Variants in KIAA1614 observed in about 807,000 individuals in gnomAD.
The protein encoded by KIAA1614 is KIAA1614.
In KIAA1614, 76 loss-of-function variants were observed where a neutral mutation model predicts 88.7. The observed-to-expected ratio is 0.86, with a 90% CI of 0.71 to 1.04. The LOEUF is 1.04. Among genes scored for constraint, KIAA1614 ranks in the 50% least tolerant of loss-of-function variants. The pLI is 0.00. For synonymous variants in KIAA1614, 714 were observed against 675.5 expected (o/e 1.06, Z -0.88); for missense variants, 1,553 against 1,582.5 (o/e 0.98, Z 0.32).
At chr1:180,928,379 A>G in intron 3 of KIAA1614, 51 bp from the exon 4 acceptor site, 1 of 1,469,864 alleles carries the variant, frequency 6.8e-7, no homozygotes, top group Non-Finnish European at 9.1e-7. Context: ...AATCTGCGTT[A>G]TTTTCCTCTA....
chr1:180,950,400 G>A lies in KIAA1614; in HGVS notation c.*4812G>A. The A allele has an allele frequency of 8.1e-7, 1 of 1,234,044 alleles. No homozygotes were observed. Among genetic ancestry groups the A allele is most frequent in the Non-Finnish European group, 1.0e-6 (1 of 960,202 alleles). The allele number at this position is 1,234,044 out of a possible 1,614,324, so 76.4% of individuals were successfully genotyped here. A position where few individuals can be genotyped will look rare whatever the true frequency, so the allele number is the denominator to read the frequency against. ...GCCAAGCTGTACTCAGGGCTGCTGG[G>A]GGTGGGCGATGAGATCCTCGAGGTG... On this transcript the variant is annotated 3_prime_UTR_variant, in exon 9 of 9. Coordinates refer to ENST00000367588, the MANE Select transcript of KIAA1614 (RefSeq NM_020950.2).
chr1:180,935,474 G>C lies in KIAA1614; in HGVS notation c.1565G>C (p.Arg522Thr). Residue 522 changes from arginine (R) to threonine (T), a missense_variant, in exon 5 of 9, where the codon AGG (arginine) becomes ACG (threonine). Arg to Thr is a moderately conservative substitution (Grantham distance 71). Transcript: ENST00000367588. This position sits in a 1 kb window ranked among gnomAD's most constrained non-coding sequence, Gnocchi z 6.1. ...FHRLVGSLDRRGHPAPPAPGS... is the reference protein window; with the variant it reads ...FHRLVGSLDRTGHPAPPAPGS... The stretch of plus-strand genomic sequence containing the variant: ...AGGCTTGTGGGCAGCCTGGACCGCA[G>C]GGGACACCCGGCACCGCCGGCACCG... 6.8e-7 allele frequency: 1 copy of C among 1,478,494 alleles called. No individual in the cohort carries two copies. Among genetic ancestry groups the C allele is most frequent in the Non-Finnish European group, 8.9e-7 (1 of 1,120,700 alleles). The allele number at this position is 1,478,494 out of a possible 1,614,324, so 91.6% of individuals were successfully genotyped here. A position where few individuals can be genotyped will look rare whatever the true frequency, so the allele number is the denominator to read the frequency against.
At chr1:180,915,894 G>C (rs1463547218) in intron 1 of KIAA1614, among the ~76,000 whole-genome samples, 1 of 152,198 alleles carries the variant, frequency 6.6e-6, no homozygotes, top group Non-Finnish European at 1.5e-5. Flanking sequence ...AATGCCTCAT[G>C]ATGTGAAGTG....
chr1:180,941,042 C>T lies in KIAA1614; in HGVS notation c.2919-3C>T. ...CCCCCTCACCTCCACCCTTGTGTTT[C>T]AGAGCATCAGCAGGAGCTGGCACAG... On this transcript the variant is annotated splice_region_variant and splice_polypyrimidine_tract_variant and intron_variant, in intron 6 of 8. Transcript: ENST00000367588. The T allele has an allele frequency of 1.3e-6, 1 of 789,626 alleles. No homozygotes were observed. Among genetic ancestry groups the T allele is most frequent in the Non-Finnish European group, 1.8e-6 (1 of 568,822 alleles). The allele number at this position is 789,626 out of a possible 1,614,324, so 48.9% of individuals were successfully genotyped here.
intron 3 of KIAA1614, 118 bp downstream of exon 3, chr1:180,918,032 C>T (rs1375746249): frequency 9.8e-6 from 8 of 812,248 alleles, no homozygotes; most frequent in Non-Finnish European, 1.6e-5. Context: ...ACTCCTGCAC[C>T]AGCAGACCAG....
intron 3 of KIAA1614, among the ~76,000 whole-genome samples, chr1:180,922,946 G>C (rs1158575813): frequency 6.6e-6 from 1 of 152,214 alleles, no homozygotes; most frequent in Non-Finnish European, 1.5e-5. Context: ...ATAAATCGGG[G>C]TTCCCACTGT....
intron 4 of KIAA1614, among the ~76,000 whole-genome samples, chr1:180,930,769 A>C (rs1425474533): frequency 6.6e-6 from 1 of 152,256 alleles, no homozygotes; most frequent in African/African-American, 2.4e-5. Context: ...CCAGAAAAGA[A>C]TTACTGTGAC....
intron 4 of KIAA1614, among the ~76,000 whole-genome samples, chr1:180,932,386 A>T (rs1017795278): frequency 2.6e-5 from 4 of 152,054 alleles, no homozygotes; most frequent in East Asian, 1.9e-4. Flanking sequence ...AAAAAAAATT[A>T]AAAAATATAT....
At chr1:180,943,148 T>C (rs1256003970) in intron 7 of KIAA1614, among the ~76,000 whole-genome samples, 1 of 152,098 alleles carries the variant, frequency 6.6e-6, no homozygotes, top group Non-Finnish European at 1.5e-5. Context: ...TGCCTCAGCC[T>C]CCTGAGTAGT....
Position 180,941,083 on chromosome 1 carries a change from C to T in KIAA1614, c.2957C>T (p.Ser986Leu), listed in dbSNP as rs765647926. Residue 986 changes from serine (S) to leucine (L), a missense_variant, in exon 7 of 9, where the codon TCG becomes TTG. Ser to Leu is a moderately radical substitution (Grantham distance 145). Coordinates refer to ENST00000367588, the MANE Select transcript of KIAA1614 (RefSeq NM_020950.2). ...AGAGTGPGSP[S>L]AAPLDQNKKR... ...GCTGGCACAGGACCCGGCTCCCCCT[C>T]GGCTGCCCCTTTGGACCAGAACAAG... 35 of 1,611,754 alleles carry T rather than the reference C, an allele frequency of 2.2e-5. No individual in the cohort carries two copies. In the Admixed American group the frequency reaches 3.2e-4, roughly 15 times the overall value.
Position 180,945,831 on chromosome 1 carries a change from G to A in KIAA1614, c.*243G>A, listed in dbSNP as rs1654578981. ...TTGAAATTAGAAGCTTAGGCCGGGC[G>A]CAGTGGCTCATGCCTGTAATCCCAG... On this transcript the variant is annotated 3_prime_UTR_variant, in exon 9 of 9. Coordinates refer to ENST00000367588, the MANE Select transcript of KIAA1614 (RefSeq NM_020950.2). 4.7e-6 allele frequency: 6 copies of A among 1,282,608 alleles called. No individual in the cohort carries two copies. In the South Asian group the frequency reaches 6.8e-5, roughly 14 times the overall value. 79.5% of individuals were successfully genotyped at this position (1,282,608 alleles called of 1,614,324 possible).
chr1:180,945,440 G>A lies in KIAA1614; in HGVS notation c.3425G>A (p.Gly1142Asp), dbSNP rs1450273299. The change falls in exon 9 of 9, where the codon GGC (glycine) becomes GAC (aspartate). Residue 1142 changes from glycine to aspartate, a missense_variant. Transcript: ENST00000367588. Reference protein sequence around the residue: ...SQLQLQRSPGGTFGFCVASGN... With the variant: ...SQLQLQRSPGDTFGFCVASGN... ...CTGCAGCTGCAGCGCTCCCCAGGGG[G>A]CACTTTCGGCTTCTGCGTGGCCTCT... is the stretch of plus-strand genomic sequence containing the variant. 1 of 1,611,882 alleles carries A rather than the reference G, an allele frequency of 6.2e-7. No individual in the cohort carries two copies. The highest frequency in any genetic ancestry group is 1.7e-5 in the Admixed American group (1 of 59,564).
chr1:180,945,345 C>CCT lies in KIAA1614; in HGVS notation c.3330_3331insCT (p.Val1111LeufsTer93), dbSNP rs760737396. The stretch of plus-strand genomic sequence containing the variant: ...CACGGCGTGCCCTCAGTGTGGAGGA[C>CCT]GTGGGTGCTCCCAGCCTGGCTCGCA... On this transcript the variant is annotated frameshift_variant, in exon 9 of 9. Transcript: ENST00000367588. LOFTEE classifies it low-confidence loss of function (END_TRUNC). 7 of 1,595,918 alleles carry CCT rather than the reference C, an allele frequency of 4.4e-6. No individual in the cohort carries two copies. In the South Asian group the frequency reaches 5.7e-5, roughly 13 times the overall value.
rs756760078 is a variant in KIAA1614, at chr1:180,916,247, C to G, written c.144C>G (p.His48Gln). 63 of 1,613,074 alleles carry G rather than the reference C, an allele frequency of 3.9e-5. No individual in the cohort carries two copies. The highest frequency in any genetic ancestry group is 5.3e-5 in the Non-Finnish European group (62 of 1,179,822). Residue 48 changes from histidine (H) to glutamine (Q), a missense_variant, in exon 2 of 9, where the codon CAC becomes CAG. Transcript: ENST00000367588. Reference sequence around the variant, plus strand: ...CTGAGCCACAGCTGGATAACGGACACCCCCCAAGACCCTGGCCTTGCCCTC... The same window carrying G: ...CTGAGCCACAGCTGGATAACGGACAGCCCCCAAGACCCTGGCCTTGCCCTC... ...SGPEPQLDNGHPPRPWPCPQE... is the reference protein window; with the variant it reads ...SGPEPQLDNGQPPRPWPCPQE...
At chr1:180,938,778 A>G (rs1654389708) in intron 6 of KIAA1614, 67 bp downstream of exon 6, 3 of 1,521,408 alleles carry the variant, frequency 2.0e-6, no homozygotes, top group African/African-American at 1.4e-5. Flanking sequence ...GAGGGGACAG[A>G]GACCCCCTGG....
rs1654632049 is a variant in KIAA1614, at chr1:180,947,930, G to GT, written c.*2342_*2343insT. The stretch of plus-strand genomic sequence containing the variant: ...GTGATCCGCATTCACCTGTCGATGT[G>GT]AGTGCACACACAACAGGTCATTGTA... On this transcript the variant is annotated 3_prime_UTR_variant, in exon 9 of 9. Coordinates refer to ENST00000367588, the MANE Select transcript of KIAA1614 (RefSeq NM_020950.2). 6.6e-6 allele frequency: 1 copy of GT among 152,248 alleles called. No homozygotes were observed. Among genetic ancestry groups the GT allele is most frequent in the Non-Finnish European group, 1.5e-5 (1 of 68,062 alleles). The allele number at this position is 152,248 out of a possible 1,614,324, so 9.4% of individuals were successfully genotyped here.
chr1:180,933,558 C>T (rs1654248439), intron 4 of KIAA1614, among the ~76,000 whole-genome samples: 1 of 152,202 alleles, frequency 6.6e-6, no homozygotes, highest in Non-Finnish European at 1.5e-5. Context: ...AAAGGGAGAA[C>T]TATGGTCCTT....
chr1:180,926,115 G>A (rs191535444), intron 3 of KIAA1614, among the ~76,000 whole-genome samples: 4 of 152,322 alleles, frequency 2.6e-5, no homozygotes, highest in African/African-American at 7.2e-5. Flanking sequence ...TCTCTTCTTA[G>A]GCAGGAATTG....
chr1:180,917,791 G>C, intron 2 of KIAA1614, 60 bp from the exon 3 acceptor site: 1 of 1,347,610 alleles, frequency 7.4e-7, no homozygotes, highest in Non-Finnish European at 1.1e-6. Context: ...TTCACTAAGT[G>C]GCAGCTGAGA....
Sources: allele counts gnomAD v4.1 joint callset (sites outside exome capture counted in the v4.1 genomes callset), GRCh38; gene constraint gnomAD v4.1.1; non-coding constraint Gnocchi (gnomAD v3.1); transcripts MANE v1.5; gene names NCBI Gene and HGNC (gene_info 2026-07-23, HGNC 2026-07-21).